The following INTS10 variants were observed in gnomAD, a reference collection of about 807,000 sequenced individuals.
INTS10 encodes the protein integrator complex subunit 10, also known as chromosome 8 open reading frame 35.
In INTS10, 44 loss-of-function variants were observed where a neutral mutation model predicts 94.4. That is an observed-to-expected ratio of 0.47 (90% CI 0.37 to 0.60). INTS10 has a LOEUF of 0.60. Ranked by LOEUF, INTS10 falls within the 20% of genes least tolerant of loss-of-function variation. INTS10 has a pLI of 0.00. For missense variants in INTS10, 797 were observed against 868.7 expected (o/e 0.92, Z 1.04); for synonymous variants, 341 against 320.7 (o/e 1.06, Z -0.68).
At position 19,851,960 on chromosome 8, in the gene INTS10, C is replaced by A; in HGVS notation, c.*155C>A. 2.0e-6 allele frequency: 1 copy of A among 508,342 alleles called. No homozygotes were observed. The highest frequency in any genetic ancestry group is 3.4e-6 in the Non-Finnish European group (1 of 297,154). 31.5% of individuals were successfully genotyped at this position (508,342 alleles called of 1,614,324 possible). A position where few individuals can be genotyped will look rare whatever the true frequency, so the allele number is the denominator to read the frequency against. On this transcript the variant is annotated 3_prime_UTR_variant, in exon 17 of 17. Transcript: ENST00000397977. The surrounding 1 kb of genome is among the most constrained non-coding windows in gnomAD (Gnocchi z 5.0). ...ACTCCTTGGTTGCTTAAAAGTAGTT[C>A]CCAAGAGTCTGAGAAGCTATTTCTA...
At position 19,837,499 on chromosome 8, in the gene INTS10, C is replaced by T. The variant is rs373668362; in HGVS notation, c.1639+339C>T. On this transcript the variant is annotated intron_variant, in intron 13 of 16. Transcript: ENST00000397977. ...ATGAGCAGCTGTAAATGTCTTTCTTCCAAAGCTCTCTTCACTTCCTGAGTG... is the reference window on the plus strand; with the variant it reads ...ATGAGCAGCTGTAAATGTCTTTCTTTCAAAGCTCTCTTCACTTCCTGAGTG... The T allele has an allele frequency of 1.8e-4, 34 of 192,620 alleles. 1 individual carries two copies. The East Asian group carries it at 3.6e-3, about 21-fold the overall frequency. The allele number at this position is 192,620 out of a possible 1,614,324, so 11.9% of individuals were successfully genotyped here. A position where few individuals can be genotyped will look rare whatever the true frequency, so the allele number is the denominator to read the frequency against.
At chr8:19,847,180 GT>G (rs775121630) in intron 16 of INTS10, among the ~76,000 whole-genome samples, 1 of 152,110 alleles carries the variant, frequency 6.6e-6, no homozygotes, top group Admixed American at 6.6e-5. Context: ...AGATTAAGTG[GT>G]TTTTTCTCCT....
In INTS10 at chr8:19,842,884, C is replaced by T; in HGVS notation, c.1676C>T (p.Ala559Val). Residue 559 changes from alanine to valine, a missense_variant, in exon 14 of 17, where the codon GCT (alanine) becomes GTT (valine). This residue lies in a region of INTS10 where 734 missense variants were observed against 787.8 expected (regional missense o/e 0.93). Transcript: ENST00000397977. ...DLKLLPCTSKAIMPYCLHLML... is the reference protein window; with the variant it reads ...DLKLLPCTSKVIMPYCLHLML... The stretch of plus-strand genomic sequence containing the variant: ...AAGCTCCTGCCTTGTACCAGCAAGG[C>T]TATCATGCCATACTGCCTCCATTTA... The T allele has an allele frequency of 1.2e-6, 2 of 1,612,912 alleles. No individual in the cohort carries two copies. The highest frequency in any genetic ancestry group is 1.7e-6 in the Non-Finnish European group (2 of 1,179,158).
intron 12 of INTS10, 132 bp from the exon 13 acceptor site, chr8:19,836,920 C>A: frequency 1.6e-6 from 1 of 637,520 alleles, no homozygotes; most frequent in East Asian, 2.7e-5. Context: ...TGGTAATGAT[C>A]ACATAGAGAG....
chr8:19,818,503 T>A, intron 2 of INTS10, 161 bp downstream of exon 2: 1 of 640,892 alleles, frequency 1.6e-6, no homozygotes, highest in East Asian at 2.7e-5. Flanking sequence ...CATAAATTGC[T>A]GACATGGCTT....
Position 19,830,485 on chromosome 8 carries a change from C to A in INTS10, c.1220C>A (p.Thr407Asn), listed in dbSNP as rs1297037672. 6.2e-7 allele frequency: 1 copy of A among 1,614,064 alleles called. No homozygotes were observed. The highest frequency in any genetic ancestry group is 8.5e-7 in the Non-Finnish European group (1 of 1,179,918). Reference protein sequence around the residue: ...VVNKAELANSTEVLESFKLAR... With the variant: ...VVNKAELANSNEVLESFKLAR... ...AATAAAGCCGAACTTGCTAACTCCA[C>A]TGAAGTGTTAGAAAGCTTTAAATTG... Residue 407 changes from threonine to asparagine, a missense_variant, in exon 10 of 17, where the codon ACT becomes AAT. By Grantham distance (65) the Thr-to-Asn change is moderately conservative. Coordinates refer to ENST00000397977, the MANE Select transcript of INTS10 (RefSeq NM_018142.4).
intron 4 of INTS10, 87 bp downstream of exon 4, chr8:19,820,605 G>A: frequency 8.5e-7 from 1 of 1,182,472 alleles, no homozygotes; most frequent in East Asian, 2.5e-5. Flanking sequence ...CTACAAAGCA[G>A]AAGTTTCTGA....
chr8:19,824,517 C>T (rs1563351669), intron 7 of INTS10: 1 of 274,950 alleles, frequency 3.6e-6, no homozygotes, highest in East Asian at 7.2e-5. Context: ...AAAAGAAAAA[C>T]AGATTTCTAA....
At position 19,818,272 on chromosome 8, in the gene INTS10, C is replaced by T. The variant is rs566130106; in HGVS notation, c.130-3C>T. 1.2e-6 allele frequency: 2 copies of T among 1,613,972 alleles called. No individual in the cohort carries two copies. Among genetic ancestry groups the T allele is most frequent in the Non-Finnish European group, 1.7e-6 (2 of 1,179,980 alleles). ...TGACCAGGGTGCCTGATGTGTGTTG[C>T]AGTATGAGATGTACACCATCGAGCG... On this transcript the variant is annotated splice_polypyrimidine_tract_variant and splice_region_variant and intron_variant, in intron 1 of 16. Coordinates refer to ENST00000397977, the MANE Select transcript of INTS10 (RefSeq NM_018142.4).
intron 13 of INTS10, among the ~76,000 whole-genome samples, chr8:19,838,842 C>T (rs1305675447): frequency 6.6e-6 from 1 of 152,010 alleles, no homozygotes; most frequent in Non-Finnish European, 1.5e-5. Flanking sequence ...GAGGCCGAGG[C>T]AGGAGGATCA....
chr8:19,845,105 G>C (rs1183348100), intron 15 of INTS10, among the ~76,000 whole-genome samples: 1 of 152,030 alleles, frequency 6.6e-6, no homozygotes, highest in Non-Finnish European at 1.5e-5. Flanking sequence ...GATATCTTTT[G>C]AGAATCTAAT....
In INTS10 at chr8:19,849,110, C is replaced by T. The variant is rs955166250; in HGVS notation, c.1977-2539C>T. 9.4e-6 allele frequency: 8 copies of T among 854,132 alleles called. No individual in the cohort carries two copies. The Admixed American group carries it at 1.2e-4, about 12-fold the overall frequency. 52.9% of individuals were successfully genotyped at this position (854,132 alleles called of 1,614,324 possible). On this transcript the variant is annotated intron_variant, in intron 16 of 16. Coordinates refer to ENST00000397977, the MANE Select transcript of INTS10 (RefSeq NM_018142.4). The surrounding 1 kb of genome is among the most constrained non-coding windows in gnomAD (Gnocchi z 4.6). Reference sequence around the variant, plus strand: ...TCTCTGGAGTGTTGTTTTTGCAGTGCAGGGTGAGTCGGTGTGGGTGTTTGA... The same window carrying T: ...TCTCTGGAGTGTTGTTTTTGCAGTGTAGGGTGAGTCGGTGTGGGTGTTTGA...
intron 11 of INTS10, among the ~76,000 whole-genome samples, 154 bp from the exon 12 acceptor site, chr8:19,833,015 G>A (rs1321616467): frequency 6.6e-6 from 1 of 152,120 alleles, no homozygotes; most frequent in East Asian, 1.9e-4. Flanking sequence ...TGATTCTATT[G>A]CCAATTCTCC....
At chr8:19,835,569 AG>A (rs1253539877) in intron 12 of INTS10, among the ~76,000 whole-genome samples, 2 of 152,222 alleles carry the variant, frequency 1.3e-5, no homozygotes, top group African/African-American at 4.8e-5. Flanking sequence ...TTGATAGAAA[AG>A]ATTGGCTGGA....
intron 16 of INTS10, among the ~76,000 whole-genome samples, chr8:19,850,561 C>T (rs919867932): frequency 1.3e-5 from 2 of 152,022 alleles, no homozygotes; most frequent in Admixed American, 6.6e-5. Context: ...ATCATTAATA[C>T]AAGTTTTTAA....
At chr8:19,840,792 C>T (rs1458691381) in intron 13 of INTS10, among the ~76,000 whole-genome samples, 1 of 152,082 alleles carries the variant, frequency 6.6e-6, no homozygotes, top group East Asian at 1.9e-4. Context: ...TTAAGTATTT[C>T]TGCAGAACAG....
At chr8:19,824,109 A>G in intron 7 of INTS10, 65 bp downstream of exon 7, 1 of 1,383,788 alleles carries the variant, frequency 7.2e-7, no homozygotes, top group Non-Finnish European at 9.9e-7. Context: ...AAACAAAATC[A>G]TGCTTTTTAA....
In INTS10 at chr8:19,824,883, A is replaced by G; in HGVS notation, c.917A>G (p.Tyr306Cys). The change falls in exon 8 of 17, where the codon TAT (tyrosine) becomes TGT (cysteine). Residue 306 changes from tyrosine to cysteine, a missense_variant. Physicochemically the swap from Tyr to Cys is radical, Grantham distance 194. Transcript: ENST00000397977. ...TTTGATAGTGAAGCACATGCAAAAT[A>G]TAAAAACCAAGTGGTGTATTCCACC... ...NNFDSEAHAKYKNQVVYSTML... is the reference protein window; with the variant it reads ...NNFDSEAHAKCKNQVVYSTML... The G allele has an allele frequency of 2.5e-6, 4 of 1,613,742 alleles. No homozygotes were observed. Among genetic ancestry groups the G allele is most frequent in the Non-Finnish European group, 3.4e-6 (4 of 1,179,626 alleles).
chr8:19,828,740 G>A (rs1364009044), intron 9 of INTS10, among the ~76,000 whole-genome samples: 3 of 148,688 alleles, frequency 2.0e-5, no homozygotes, highest in Non-Finnish European at 4.5e-5. Flanking sequence ...TTTTTTTGGT[G>A]GAGACAAGGT....
Sources: allele counts gnomAD v4.1 joint callset (sites outside exome capture counted in the v4.1 genomes callset), GRCh38; gene constraint gnomAD v4.1.1; regional missense constraint gnomAD v4.1.1; non-coding constraint Gnocchi (gnomAD v3.1); transcripts MANE v1.5; gene names NCBI Gene and HGNC (gene_info 2026-07-23, HGNC 2026-07-21).